Variants in GIPC1 observed in about 807,000 individuals in gnomAD.
The protein encoded by GIPC1 is GIPC PDZ domain containing family member 1, also known as PDZ domain-containing protein GIPC1.
In GIPC1, 15 loss-of-function variants were observed where a neutral mutation model predicts 28.5. That is an observed-to-expected ratio of 0.53 (90% CI 0.35 to 0.81). The LOEUF (loss-of-function observed/expected upper bound fraction) is 0.81, where lower values mean the gene tolerates loss of function less well. Among genes scored for constraint, GIPC1 ranks in the 30% least tolerant of loss-of-function variants. GIPC1 has a pLI of 0.01. For missense variants in GIPC1, 439 were observed against 481.9 expected, an observed-to-expected ratio of 0.91 and a Z score of 0.83; for synonymous variants, 224 against 206.1, an observed-to-expected ratio of 1.09 and a Z score of -0.74.
chr19:14,485,508 G>A (rs1373600311), intron 3 of GIPC1, among the ~76,000 whole-genome samples: 1 of 151,470 alleles, frequency 6.6e-6, no homozygotes, highest in Non-Finnish European at 1.5e-5. Context: ...AAACTTAGCT[G>A]GGCATGGTGG....
Position 14,478,135 on chromosome 19 carries a change from C to A in GIPC1, c.*281G>T. On this transcript the variant is annotated 3_prime_UTR_variant, in exon 9 of 9. Transcript: ENST00000393033. This position sits in a 1 kb window ranked among gnomAD's most constrained non-coding sequence, Gnocchi z 5.2. ...GGAAAGTGGTGGAGGCGGGGGTGGCCGCCCAATTTGGCTGATCCCTCCCCT... is the reference window on the plus strand; with the variant it reads ...GGAAAGTGGTGGAGGCGGGGGTGGCAGCCCAATTTGGCTGATCCCTCCCCT... The A allele has an allele frequency of 2.5e-6, 1 of 404,872 alleles. No homozygotes were observed. The highest frequency in any genetic ancestry group is 5.2e-5 in the South Asian group (1 of 19,126). 25.1% of individuals were successfully genotyped at this position (404,872 alleles called of 1,614,324 possible). A position where few individuals can be genotyped will look rare whatever the true frequency, so the allele number is the denominator to read the frequency against.
chr19:14,479,419 TC>T lies in GIPC1; in HGVS notation c.760del (p.Glu254ArgfsTer112). ...RLRSRGPATVEDLPSAFEEKA... is the reference protein window; with the variant it reads ...RLRSRGPATVXDLPSAFEEKA... Reference sequence around the variant, plus strand: ...TCCGGCTGGAGCACTCACCAGATCCTCCACCGTGGCGGGGCCCCGGGATCGG... The same window carrying T: ...TCCGGCTGGAGCACTCACCAGATCCTCACCGTGGCGGGGCCCCGGGATCGG... On this transcript the variant is annotated frameshift_variant, in exon 7 of 9. Transcript: ENST00000393033. LOFTEE classifies it high-confidence loss of function. 7.3e-7 allele frequency: 1 copy of T among 1,365,508 alleles called. No individual in the cohort carries two copies. Among genetic ancestry groups the T allele is most frequent in the Non-Finnish European group, 9.6e-7 (1 of 1,038,234 alleles). The allele number at this position is 1,365,508 out of a possible 1,614,324, so 84.6% of individuals were successfully genotyped here. A position where few individuals can be genotyped will look rare whatever the true frequency, so the allele number is the denominator to read the frequency against.
rs1416492920 is a variant in GIPC1 at position 14,496,054 on chromosome 19, C to T, written c.-192G>A. 3.2e-5 allele frequency: 8 copies of T among 246,374 alleles called. No homozygotes were observed. Among genetic ancestry groups the T allele is most frequent in the Non-Finnish European group, 6.1e-5 (8 of 131,204 alleles). 15.3% of individuals were successfully genotyped at this position (246,374 alleles called of 1,614,324 possible). Reference sequence around the variant, plus strand: ...CCACTCACCTGCTCCGCCGCCGCCGCCGCCGCCGCCGCCGCCGCCGCTGCC... The same window carrying T: ...CCACTCACCTGCTCCGCCGCCGCCGTCGCCGCCGCCGCCGCCGCCGCTGCC... On this transcript the variant is annotated 5_prime_UTR_variant, in exon 1 of 9. Coordinates refer to ENST00000393033, the MANE Select transcript of GIPC1 (RefSeq NM_005716.4).
intron 3 of GIPC1, among the ~76,000 whole-genome samples, chr19:14,490,643 C>T (rs10422903): frequency 0.46 from 70,168 of 150,934 alleles, 16,711 homozygotes; most frequent in South Asian, 0.66. Flanking sequence ...TGCCATTGCA[C>T]TCCAGCCTGG....
At chr19:14,492,736 C>G (rs1196534037) in intron 2 of GIPC1, 121 bp downstream of exon 2, 2 of 152,242 alleles carry the variant, frequency 1.3e-5, no homozygotes, top group Non-Finnish European at 2.9e-5. Flanking sequence ...TGCCAGCTTC[C>G]GTGTCCCCAC....
Position 14,482,853 on chromosome 19 carries a change from C to T in GIPC1, c.124G>A (p.Gly42Ser). The change falls in exon 4 of 9, where the codon GGC becomes AGC. Residue 42 changes from glycine (G) to serine (S), a missense_variant. By Grantham distance (56) the Gly-to-Ser change is moderately conservative (BLOSUM62 0). Transcript: ENST00000393033. ...PGPLGGGGSGGPQMGLPPPPP... is the reference protein window; with the variant it reads ...PGPLGGGGSGSPQMGLPPPPP... ...GGGGGGGGCAAGCCCATTTGGGGGCCCCCCGACCCACCTCCGCCCAGAGGC... is the reference window on the plus strand; with the variant it reads ...GGGGGGGGCAAGCCCATTTGGGGGCTCCCCGACCCACCTCCGCCCAGAGGC... The T allele has an allele frequency of 1.3e-6, 2 of 1,574,706 alleles. No homozygotes were observed. Among genetic ancestry groups the T allele is most frequent in the South Asian group, 1.1e-5 (1 of 87,526 alleles).
chr19:14,481,811 G>C (rs1360312249), intron 4 of GIPC1: 1 of 149,636 alleles, frequency 6.7e-6, no homozygotes, highest in East Asian at 1.9e-4. Context: ...TGCTTGTGGA[G>C]GACACAGAAA....
intron 4 of GIPC1, chr19:14,482,163 C>A (rs914761456): frequency 2.3e-5 from 4 of 171,254 alleles, no homozygotes; most frequent in Non-Finnish European, 5.1e-5. Flanking sequence ...GGGGTGCAGG[C>A]CTCCCAACGC....
rs1284277079 is a variant in GIPC1 at position 14,482,815 on chromosome 19, C to G, written c.162G>C (p.Leu54=). 2 of 1,591,160 alleles carry G rather than the reference C, an allele frequency of 1.3e-6. No homozygotes were observed. Among genetic ancestry groups the G allele is most frequent in the South Asian group, 2.3e-5 (2 of 88,820 alleles). ...GGGTGTGGAACACGAGGCGGGGCCG[C>G]AGGGCTGGGGGAGGGGGGGGCAAGC... The part of the protein sequence containing the change: ...QMGLPPPPPA[L]RPRLVFHTQL... Residue 54 remains leucine (L), a synonymous_variant, in exon 4 of 9, where the codon CTG becomes CTC. Coordinates refer to ENST00000393033, the MANE Select transcript of GIPC1 (RefSeq NM_005716.4).
At chr19:14,495,229 G>A (rs908668282) in intron 1 of GIPC1, among the ~76,000 whole-genome samples, 3 of 151,990 alleles carry the variant, frequency 2.0e-5, no homozygotes, top group African/African-American at 7.2e-5. Context: ...TCCAGCTCTG[G>A]GGAGAAGGGA....
chr19:14,485,678 T>C (rs1199934786), intron 3 of GIPC1, among the ~76,000 whole-genome samples: 12 of 89,008 alleles, frequency 1.3e-4, no homozygotes, highest in South Asian at 3.4e-4. Context: ...AATAAATAAA[T>C]AAACAAATAT....
intron 6 of GIPC1, chr19:14,479,985 T>C: frequency 2.0e-6 from 1 of 489,310 alleles, no homozygotes; most frequent in South Asian, 2.6e-5. Context: ...GATGGAAAAG[T>C]GGGGGGGCTG....
Position 14,486,982 on chromosome 19 carries a change from A to AT in GIPC1, c.-30-3977dup, listed in dbSNP as rs371859163. 3.7e-3 allele frequency among the ~76,000 whole-genome samples: 538 copies of AT among 145,734 alleles called. 2 individuals are homozygous for AT. The highest frequency in any genetic ancestry group is 7.4e-3 in the African/African-American group (295 of 39,866). ...CTCCATTCTCCCCTCCCTTCAAACA[A>AT]TTTTTTTTTTCTTTTTAGTACTTAC... On this transcript the variant is annotated intron_variant, in intron 3 of 8. Transcript: ENST00000393033.
In GIPC1 at chr19:14,481,126, T is replaced by C. The variant is rs999197779; in HGVS notation, c.289-348A>G. Among the ~76,000 whole-genome samples the C allele has an allele frequency of 5.9e-5, 9 of 152,132 alleles. No individual in the cohort carries two copies. In the South Asian group the frequency reaches 1.9e-3, roughly 31 times the overall value. The stretch of plus-strand genomic sequence containing the variant: ...CTGGAACTACAGGTGCTCGCCACCA[T>C]GCCTGGCTAATTTTTGTATTTTTTG... On this transcript the variant is annotated intron_variant, in intron 4 of 8. Coordinates refer to ENST00000393033, the MANE Select transcript of GIPC1 (RefSeq NM_005716.4).
In GIPC1 at chr19:14,480,055, T is replaced by C; in HGVS notation, c.655+250A>G. 5.1e-6 allele frequency: 3 copies of C among 587,152 alleles called. 1 individual carries two copies. The highest frequency in any genetic ancestry group is 4.0e-5 in the South Asian group (2 of 50,124). 36.4% of individuals were successfully genotyped at this position (587,152 alleles called of 1,614,324 possible). On this transcript the variant is annotated intron_variant, in intron 6 of 8. Coordinates refer to ENST00000393033, the MANE Select transcript of GIPC1 (RefSeq NM_005716.4). ...GGGGGCTGGCCAGGGCTGAGGGCGC[T>C]TGGCTGGGCTAATGGCCCCTGGAAG...
chr19:14,479,180 C>T (rs541336063), intron 7 of GIPC1, among the ~76,000 whole-genome samples: 6 of 152,082 alleles, frequency 3.9e-5, no homozygotes, highest in Non-Finnish European at 7.4e-5. Context: ...GGTGAAACCC[C>T]ATCTCTACTA....
intron 3 of GIPC1, among the ~76,000 whole-genome samples, chr19:14,486,490 CTA>C (rs1348719283): frequency 1.3e-5 from 2 of 152,214 alleles, no homozygotes; most frequent in African/African-American, 4.8e-5. Context: ...CTCCAGAGAT[CTA>C]TCTTTCCCAG....
intron 3 of GIPC1, 112 bp from the exon 4 acceptor site, chr19:14,483,118 G>C (rs1294114734): frequency 2.9e-6 from 2 of 689,568 alleles, no homozygotes; most frequent in Non-Finnish European, 2.4e-6. Flanking sequence ...ATTGGCCTCG[G>C]TTGAAATCCT....
Position 14,478,186 on chromosome 19 carries a change from G to C in GIPC1, c.*230C>G. The stretch of plus-strand genomic sequence containing the variant: ...CCCTGTGCCTGACCCAGCTGAGGTA[G>C]GTGGGGAACAGGGCACAGGGGGGCC... On this transcript the variant is annotated 3_prime_UTR_variant, in exon 9 of 9. Transcript: ENST00000393033. The surrounding 1 kb of genome is among the most constrained non-coding windows in gnomAD (Gnocchi z 5.2). 4.0e-6 allele frequency: 2 copies of C among 501,616 alleles called. No homozygotes were observed. Among genetic ancestry groups the C allele is most frequent in the Non-Finnish European group, 3.5e-6 (1 of 282,136 alleles). 31.1% of individuals were successfully genotyped at this position (501,616 alleles called of 1,614,324 possible).
Sources: allele counts gnomAD v4.1 joint callset (sites outside exome capture counted in the v4.1 genomes callset), GRCh38; gene constraint gnomAD v4.1.1; non-coding constraint Gnocchi (gnomAD v3.1); transcripts MANE v1.5; gene names NCBI Gene and HGNC (gene_info 2026-07-23, HGNC 2026-07-21).